The following PKHD1 variants were observed in gnomAD, a reference collection of about 807,000 sequenced individuals.
PKHD1 encodes the protein fibrocystin.
In PKHD1, 291 loss-of-function variants were observed where a neutral mutation model predicts 412.0. That is an observed-to-expected ratio of 0.71 (90% CI 0.64 to 0.78). The LOEUF (loss-of-function observed/expected upper bound fraction) is 0.78. PKHD1 is among the 30% of genes least tolerant of loss of function. PKHD1 has a pLI of 0.00. For missense variants in PKHD1, 4,825 were observed against 4,950.7 expected, an observed-to-expected ratio of 0.97 and a Z score of 0.76; for synonymous variants, 1,777 against 1,821.5, an observed-to-expected ratio of 0.98 and a Z score of 0.62.
chr6:51,660,581 G>T (rs1397823155), intron 60 of PKHD1, among the ~76,000 whole-genome samples: 9 of 152,096 alleles, frequency 5.9e-5, no homozygotes. Flanking sequence ...AGGGCTCTCA[G>T]GACTCCATCC....
chr6:51,722,512 G>T (rs1004122726), intron 60 of PKHD1, among the ~76,000 whole-genome samples: 1 of 152,116 alleles, frequency 6.6e-6, no homozygotes, highest in African/African-American at 2.4e-5. Context: ...ATCATATTTA[G>T]AATTGATTAA....
At chr6:51,781,421 A>G (rs1453702642) in intron 53 of PKHD1, among the ~76,000 whole-genome samples, 1 of 152,160 alleles carries the variant, frequency 6.6e-6, no homozygotes, top group African/African-American at 2.4e-5. Context: ...TTCATTTTTA[A>G]TGAGGCCTCT....
intron 36 of PKHD1, among the ~76,000 whole-genome samples, chr6:51,935,317 TA>T (rs199976918): frequency 0.018 from 2,776 of 152,314 alleles, 26 homozygotes; most frequent in Non-Finnish European, 0.028. Context: ...ATTTAAAAAT[TA>T]AAAAGATATT....
At chr6:51,886,400 T>A (rs1778222568) in intron 44 of PKHD1, among the ~76,000 whole-genome samples, 1 of 152,212 alleles carries the variant, frequency 6.6e-6, no homozygotes, top group African/African-American at 2.4e-5. Flanking sequence ...AGCCAAGATG[T>A]CCATCAATAG....
intron 43 of PKHD1, among the ~76,000 whole-genome samples, chr6:51,899,578 C>T (rs1780847848): frequency 6.6e-6 from 1 of 150,718 alleles, no homozygotes; most frequent in African/African-American, 2.4e-5. Context: ...TGGGCAAAAA[C>T]TGGAAGCATT....
chr6:52,043,845 T>C (rs1297405923), intron 25 of PKHD1, 115 bp from the exon 26 acceptor site: 1 of 706,006 alleles, frequency 1.4e-6, no homozygotes, highest in African/African-American at 1.8e-5. Flanking sequence ...CGCTAATTCT[T>C]ATTCCTTTTT....
chr6:51,629,406 G>A (rs528118375), intron 65 of PKHD1, among the ~76,000 whole-genome samples: 5 of 151,710 alleles, frequency 3.3e-5, no homozygotes, highest in Non-Finnish European at 5.9e-5. Flanking sequence ...GGCAAAGGAC[G>A]TGAACAGACA....
At chr6:51,780,614 TAAA>T (rs1791834171) in intron 53 of PKHD1, among the ~76,000 whole-genome samples, 2 of 152,074 alleles carry the variant, frequency 1.3e-5, no homozygotes, top group South Asian at 4.1e-4. Context: ...AATCATATCA[TAAA>T]AAAGAAATAA....
chr6:52,059,617 T>A (rs1471905003), intron 15 of PKHD1, among the ~76,000 whole-genome samples: 1 of 152,198 alleles, frequency 6.6e-6, no homozygotes, highest in African/African-American at 2.4e-5. Context: ...TATGTATATA[T>A]GTGTATATAC....
intron 43 of PKHD1, among the ~76,000 whole-genome samples, chr6:51,902,864 A>T (rs1781495596): frequency 1.3e-5 from 2 of 152,170 alleles, no homozygotes; most frequent in Admixed American, 6.5e-5. Context: ...AAATAATGGG[A>T]TTTTAAAAAT....
intron 52 of PKHD1, among the ~76,000 whole-genome samples, chr6:51,801,465 C>T (rs543056794): frequency 1.3e-5 from 2 of 152,094 alleles, no homozygotes; most frequent in South Asian, 2.1e-4. Flanking sequence ...TATAGTCTGC[C>T]TTTTTCATCA....
intron 60 of PKHD1, among the ~76,000 whole-genome samples, chr6:51,719,518 AAT>A (rs2150813888): frequency 6.6e-6 from 1 of 152,198 alleles, no homozygotes; most frequent in East Asian, 1.9e-4. Flanking sequence ...GACAAACAAA[AAT>A]GTCATCAAAT....
chr6:51,799,657 T>A (rs1762613445), intron 52 of PKHD1, among the ~76,000 whole-genome samples: 1 of 152,110 alleles, frequency 6.6e-6, no homozygotes, highest in East Asian at 1.9e-4. Flanking sequence ...AGCAAAAGAA[T>A]TCACCCTAAC....
At chr6:52,000,558 C>T (rs1295677195) in intron 35 of PKHD1, among the ~76,000 whole-genome samples, 3 of 152,206 alleles carry the variant, frequency 2.0e-5, no homozygotes, top group Non-Finnish European at 4.4e-5. Context: ...AATCATGTCA[C>T]ATTCCAATAG....
At chr6:51,770,551 T>C (rs1015873093) in intron 55 of PKHD1, among the ~76,000 whole-genome samples, 2 of 151,938 alleles carry the variant, frequency 1.3e-5, no homozygotes, top group Admixed American at 6.6e-5. Flanking sequence ...TTTCTGTAAC[T>C]GGCAAATTTG....
At chr6:51,640,525 A>G (rs1769209797) in intron 63 of PKHD1, among the ~76,000 whole-genome samples, 1 of 152,190 alleles carries the variant, frequency 6.6e-6, no homozygotes, top group African/African-American at 2.4e-5. Context: ...TGCAATTGAC[A>G]GGCTCCCTGA....
At chr6:52,024,078 T>C (rs781138182) in intron 32 of PKHD1, among the ~76,000 whole-genome samples, 3 of 152,252 alleles carry the variant, frequency 2.0e-5, no homozygotes, top group South Asian at 4.1e-4. Context: ...ATTTTTGGTA[T>C]ATCTAAACGG....
intron 35 of PKHD1, among the ~76,000 whole-genome samples, chr6:51,970,573 T>C (rs755754814): frequency 6.6e-6 from 1 of 152,248 alleles, no homozygotes; most frequent in Non-Finnish European, 1.5e-5. Flanking sequence ...CTAGGACTTT[T>C]ATACTGTCGG....
chr6:51,665,752 TA>T (rs1773651140), intron 60 of PKHD1, among the ~76,000 whole-genome samples: 1 of 152,152 alleles, frequency 6.6e-6, no homozygotes, highest in Non-Finnish European at 1.5e-5. Context: ...GTGCTGTAGA[TA>T]AGACAGAACT....
Sources: allele counts gnomAD v4.1 joint callset (sites outside exome capture counted in the v4.1 genomes callset), GRCh38; gene constraint gnomAD v4.1.1; transcripts MANE v1.5; gene names NCBI Gene and HGNC (gene_info 2026-07-23, HGNC 2026-07-21).